Variants in VSTM2B observed in about 807,000 individuals in gnomAD.
The protein encoded by VSTM2B is V-set and transmembrane domain containing 2B.
Under a neutral mutation model 24.0 loss-of-function variants are expected in VSTM2B, and 24 were observed. The ratio of observed to expected loss-of-function variants is 1.00; its 90% CI spans 0.72 to 1.40. The LOEUF is 1.40. Ranked by LOEUF, VSTM2B falls within the 40% of genes most tolerant of loss-of-function variation. The probability of loss-of-function intolerance (pLI) is 0.00; values close to 1 mark genes in which losing one functional copy is unlikely to be tolerated. For synonymous variants in VSTM2B, 226 were observed against 194.4 expected (o/e 1.16, Z -1.35); for missense variants, 399 against 416.4 (o/e 0.96, Z 0.36).
rs1969551967 is a variant in VSTM2B, at chr19:29,526,011, G to A, written c.-573G>A. ...CTCTCCCCGCCTCTCTCCGGCTCCG[G>A]GTCCGCCACGCCGGACCCGCTCTCC... is the stretch of plus-strand genomic sequence containing the variant. On this transcript the variant is annotated 5_prime_UTR_variant, in exon 1 of 5. Coordinates refer to ENST00000335523, the MANE Select transcript of VSTM2B (RefSeq NM_001146339.2). The surrounding 1 kb of genome is among the most constrained non-coding windows in gnomAD (Gnocchi z 4.1). Among the ~76,000 whole-genome samples, 2 of 151,942 alleles carry A rather than the reference G, an allele frequency of 1.3e-5. No homozygotes were observed. Among genetic ancestry groups the A allele is most frequent in the Admixed American group, 1.3e-4 (2 of 15,274 alleles).
At chr19:29,546,816 A>T (rs964565371) in intron 4 of VSTM2B, among the ~76,000 whole-genome samples, 11 of 152,240 alleles carry the variant, frequency 7.2e-5, no homozygotes, top group Non-Finnish European at 2.9e-5. Context: ...ATGTTATCTC[A>T]AAAGAGATGG....
At chr19:29,563,221 A>T (rs1475235180) in intron 4 of VSTM2B, among the ~76,000 whole-genome samples, 1 of 150,750 alleles carries the variant, frequency 6.6e-6, no homozygotes, top group African/African-American at 2.4e-5. Flanking sequence ...TTCTGTCCTC[A>T]TGTATCTGGG....
intron 4 of VSTM2B, among the ~76,000 whole-genome samples, chr19:29,549,583 GC>G (rs1056001671): frequency 3.9e-5 from 6 of 151,972 alleles, no homozygotes; most frequent in Non-Finnish European, 8.8e-5. Flanking sequence ...CCCCAATGCT[GC>G]CCCAGGAGAC....
chr19:29,532,792 G>T (rs1274437465), intron 4 of VSTM2B, among the ~76,000 whole-genome samples: 1 of 152,256 alleles, frequency 6.6e-6, no homozygotes, highest in Admixed American at 6.5e-5. Context: ...AAGCTAAAAG[G>T]TTGGCAGTTG....
At chr19:29,557,140 G>A (rs371961798) in intron 4 of VSTM2B, among the ~76,000 whole-genome samples, 5 of 152,114 alleles carry the variant, frequency 3.3e-5, no homozygotes, top group African/African-American at 9.6e-5. Context: ...CTATACTACA[G>A]GGCTACAGTA....
At chr19:29,534,870 C>A (rs771460183) in intron 4 of VSTM2B, among the ~76,000 whole-genome samples, 3 of 152,146 alleles carry the variant, frequency 2.0e-5, no homozygotes, top group Admixed American at 6.5e-5. Flanking sequence ...GAAAAAAAGT[C>A]CCTATTTTTT....
At chr19:29,547,818 G>A (rs533337133) in intron 4 of VSTM2B, among the ~76,000 whole-genome samples, 3 of 152,114 alleles carry the variant, frequency 2.0e-5, no homozygotes, top group South Asian at 4.1e-4. Context: ...GTCGTTCTGC[G>A]GGGTCAGCCT....
At position 29,561,237 on chromosome 19, in the gene VSTM2B, G is replaced by T. The variant is rs553714562; in HGVS notation, c.770-2609G>T. ...TGAGGCAGGAGAATCACTTGAACCT[G>T]GGAGGCAGAGGTTGCAGTGAGCTGA... On this transcript the variant is annotated intron_variant, in intron 4 of 4. Transcript: ENST00000335523. Among the ~76,000 whole-genome samples the T allele has an allele frequency of 5.1e-3, 776 of 150,996 alleles. 4 individuals carry two copies. Among genetic ancestry groups the T allele is most frequent in the African/African-American group, 0.018 (735 of 41,078 alleles).
chr19:29,528,286 A>G, intron 2 of VSTM2B, 147 bp from the exon 3 acceptor site: 1 of 945,740 alleles, frequency 1.1e-6, no homozygotes, highest in South Asian at 1.6e-5. Context: ...GGAAAGCCGG[A>G]CGTCCTTTGT....
intron 4 of VSTM2B, among the ~76,000 whole-genome samples, chr19:29,536,585 C>T (rs1008696458): frequency 2.6e-5 from 4 of 152,208 alleles, no homozygotes; most frequent in African/African-American, 4.8e-5. Flanking sequence ...CTGTGTGCCA[C>T]GCTCTCCTCT....
At chr19:29,542,510 T>C (rs1032350267) in intron 4 of VSTM2B, among the ~76,000 whole-genome samples, 4 of 149,784 alleles carry the variant, frequency 2.7e-5, no homozygotes, top group Non-Finnish European at 5.9e-5. Context: ...GGTAGATAGG[T>C]AGATGGATGG....
chr19:29,528,518 C>T, intron 3 of VSTM2B, 56 bp downstream of exon 3: 1 of 1,546,622 alleles, frequency 6.5e-7, no homozygotes, highest in Non-Finnish European at 8.7e-7. Context: ...GCCTCGGGTC[C>T]CGCAGCTCCC....
rs1260801806 is a variant in VSTM2B at position 29,526,796 on chromosome 19, C to A, written c.82+131C>A. 7 of 851,902 alleles carry A rather than the reference C, an allele frequency of 8.2e-6. No individual in the cohort carries two copies. The allele number at this position is 851,902 out of a possible 1,614,324, so 52.8% of individuals were successfully genotyped here. A position where few individuals can be genotyped will look rare whatever the true frequency, so the allele number is the denominator to read the frequency against. On this transcript the variant is annotated intron_variant, in intron 1 of 4. Transcript: ENST00000335523. The surrounding 1 kb of genome is among the most constrained non-coding windows in gnomAD (Gnocchi z 4.1). ...CAGCAATCCCGCTGTGCAGCCTGGG[C>A]CCGGAGGGGTAGGGAGAGGCGAGCG...
chr19:29,550,582 G>C (rs1355780319), intron 4 of VSTM2B, among the ~76,000 whole-genome samples: 2 of 152,130 alleles, frequency 1.3e-5, no homozygotes, highest in Non-Finnish European at 1.5e-5. Flanking sequence ...TGTTGGAATG[G>C]CTTTGTCTGA....
intron 2 of VSTM2B, among the ~76,000 whole-genome samples, chr19:29,527,876 C>A (rs1270040044): frequency 6.6e-6 from 1 of 152,128 alleles, no homozygotes; most frequent in Non-Finnish European, 1.5e-5. Context: ...TCTCTGTGGC[C>A]GAAAACAGGC....
chr19:29,548,310 A>G (rs553493487), intron 4 of VSTM2B, among the ~76,000 whole-genome samples: 1 of 152,226 alleles, frequency 6.6e-6, no homozygotes, highest in East Asian at 1.9e-4. Flanking sequence ...AGCGAGGGAC[A>G]GGGCAGGAGG....
intron 4 of VSTM2B, among the ~76,000 whole-genome samples, chr19:29,539,767 C>G (rs1568441262): frequency 6.6e-6 from 1 of 152,252 alleles, no homozygotes; most frequent in Non-Finnish European, 1.5e-5. Flanking sequence ...GAATGCAGGA[C>G]AGAGATACCA....
rs117806181 is a variant in VSTM2B at position 29,538,502 on chromosome 19, C to T, written c.769+8212C>T. Reference sequence around the variant, plus strand: ...CTTCCTTCATGAGACCGCCCTCCCTCCTGCAAATGCTGTGAGCATGATGGA... The same window carrying T: ...CTTCCTTCATGAGACCGCCCTCCCTTCTGCAAATGCTGTGAGCATGATGGA... On this transcript the variant is annotated intron_variant, in intron 4 of 4. Coordinates refer to ENST00000335523, the MANE Select transcript of VSTM2B (RefSeq NM_001146339.2). Among the ~76,000 whole-genome samples, 587 of 152,296 alleles carry T rather than the reference C, an allele frequency of 3.9e-3. 28 individuals carry two copies. The East Asian group carries it at 0.098, about 25-fold the overall frequency.
In VSTM2B at chr19:29,530,126, C is replaced by T. The variant is rs1177773676; in HGVS notation, c.605C>T (p.Pro202Leu). 1.4e-6 allele frequency: 2 copies of T among 1,447,142 alleles called. No homozygotes were observed. Among genetic ancestry groups the T allele is most frequent in the Non-Finnish European group, 1.8e-6 (2 of 1,108,378 alleles). The allele number at this position is 1,447,142 out of a possible 1,614,324, so 89.6% of individuals were successfully genotyped here. A position where few individuals can be genotyped will look rare whatever the true frequency, so the allele number is the denominator to read the frequency against. ...TSEPGRGDKSPPPGSPPAAID... is the reference protein window; with the variant it reads ...TSEPGRGDKSLPPGSPPAAID... ...GAGCCCGGCCGCGGCGACAAGAGCC[C>T]GCCGCCCGGGAGCCCTCCCGCCGCC... Residue 202 changes from proline (P) to leucine (L), a missense_variant, in exon 4 of 5, where the codon CCG becomes CTG. Transcript: ENST00000335523.
Sources: allele counts gnomAD v4.1 joint callset (sites outside exome capture counted in the v4.1 genomes callset), GRCh38; gene constraint gnomAD v4.1.1; non-coding constraint Gnocchi (gnomAD v3.1); transcripts MANE v1.5; gene names NCBI Gene and HGNC (gene_info 2026-07-23, HGNC 2026-07-21).